CORO6: variants seen among roughly 807,000 people sequenced by gnomAD.
CORO6 encodes coronin-6.
Under a neutral mutation model 49.0 loss-of-function variants are expected in CORO6, and 43 were observed. The observed-to-expected ratio is 0.88, with a 90% confidence interval of 0.69 to 1.13. The LOEUF is 1.13. Among genes scored for constraint, CORO6 ranks in the 50% most tolerant of loss-of-function variants. The pLI is 0.00. For synonymous variants in CORO6, 233 were observed against 256.5 expected (o/e 0.91, Z 0.88); for missense variants, 650 against 647.0 (o/e 1.00, Z -0.05).
At position 29,616,844 on chromosome 17, in the gene CORO6, C is replaced by A; in HGVS notation, c.862G>T (p.Asp288Tyr). 1 of 1,613,074 alleles carries A rather than the reference C, an allele frequency of 6.2e-7. No homozygotes were observed. Among genetic ancestry groups the A allele is most frequent in the Non-Finnish European group, 8.5e-7 (1 of 1,179,456 alleles). The change falls in exon 8 of 11, where the codon GAC (aspartate) becomes TAC (tyrosine). Residue 288 changes from aspartate (D) to tyrosine (Y), a missense_variant. Physicochemically the swap from Asp to Tyr is radical, Grantham distance 160. Transcript: ENST00000388767. This position sits in a 1 kb window ranked among gnomAD's most constrained non-coding sequence, Gnocchi z 5.6. The stretch of plus-strand genomic sequence containing the variant: ...ATCTCAAAGTACCGAATGCTGCTGT[C>A]GCCCTGCAAAATCAGTCGGTTCAGG... ...SSIVYLCGKG[D>Y]SSIRYFEITD...
rs2034802048 is a variant in CORO6, at chr17:29,615,343, C to G, written c.*389G>C. 1 of 178,816 alleles carries G rather than the reference C, an allele frequency of 5.6e-6. No individual in the cohort carries two copies. Among genetic ancestry groups the G allele is most frequent in the Non-Finnish European group, 1.2e-5 (1 of 85,568 alleles). 11.1% of individuals were successfully genotyped at this position (178,816 alleles called of 1,614,324 possible). ...TTTTCCCCAGCCTGGGGGTACCCAT[C>G]AAATCGCCACCCGTTTGAGGTCAAG... On this transcript the variant is annotated 3_prime_UTR_variant, in exon 11 of 11. Transcript: ENST00000388767.
In CORO6 at chr17:29,621,799, C is replaced by A; in HGVS notation, c.-63-315G>T. ...CTGCACCCCCCGCCCCCACCACCGC[C>A]AGCCTTGATGAGCATCTCTTCACGG... On this transcript the variant is annotated intron_variant, in intron 1 of 10. Coordinates refer to ENST00000388767, the MANE Select transcript of CORO6 (RefSeq NM_032854.4). The surrounding 1 kb of genome is among the most constrained non-coding windows in gnomAD (Gnocchi z 4.2). The A allele has an allele frequency of 3.7e-6, 1 of 273,154 alleles. No homozygotes were observed. Among genetic ancestry groups the A allele is most frequent in the Non-Finnish European group, 7.2e-6 (1 of 138,622 alleles). The allele number at this position is 273,154 out of a possible 1,614,324, so 16.9% of individuals were successfully genotyped here.
Position 29,622,733 on chromosome 17 carries a change from C to T in CORO6, c.-109G>A. 7.6e-7 allele frequency: 1 copy of T among 1,312,104 alleles called. No homozygotes were observed. The highest frequency in any genetic ancestry group is 2.2e-5 in the Admixed American group (1 of 44,476). 81.3% of individuals were successfully genotyped at this position (1,312,104 alleles called of 1,614,324 possible). A position where few individuals can be genotyped will look rare whatever the true frequency, so the allele number is the denominator to read the frequency against. ...GGGCGCTCACGCTGCGAATCCTCTG[C>T]GGAAGGGGCCCGAGTGCGTAGGGGG... On this transcript the variant is annotated 5_prime_UTR_variant, in exon 1 of 11. Transcript: ENST00000388767.
At chr17:29,617,742 A>G in intron 5 of CORO6, 123 bp from the exon 6 acceptor site, 2 of 1,074,064 alleles carry the variant, frequency 1.9e-6, no homozygotes, top group Non-Finnish European at 2.6e-6. Context: ...CGGGGAAGAG[A>G]CAAATGGGGC....
Position 29,616,594 on chromosome 17 carries a change from C to T in CORO6, c.1004+108G>A. 2 of 1,442,518 alleles carry T rather than the reference C, an allele frequency of 1.4e-6. No individual in the cohort carries two copies. The highest frequency in any genetic ancestry group is 1.9e-5 in the Admixed American group (1 of 53,420). The allele number at this position is 1,442,518 out of a possible 1,614,324, so 89.4% of individuals were successfully genotyped here. A position where few individuals can be genotyped will look rare whatever the true frequency, so the allele number is the denominator to read the frequency against. ...GAAACAGAGCTGTCTTATCCCCCCG[C>T]CCCGCTTTTCCAAAGCACTGCATTA... On this transcript the variant is annotated intron_variant, in intron 8 of 10. Transcript: ENST00000388767. This position sits in a 1 kb window ranked among gnomAD's most constrained non-coding sequence, Gnocchi z 5.6.
intron 3 of CORO6, 60 bp downstream of exon 3, chr17:29,619,591 G>T (rs1458657375): frequency 5.2e-5 from 82 of 1,565,194 alleles, no homozygotes; most frequent in Middle Eastern, 4.3e-4. Context: ...CCCAGCACAG[G>T]TGAGGCAGCC....
In CORO6 at chr17:29,616,992, C is replaced by G. The variant is rs2034987400; in HGVS notation, c.804G>C (p.Gly268=). 1.2e-6 allele frequency: 2 copies of G among 1,613,622 alleles called. No homozygotes were observed. Among genetic ancestry groups the G allele is most frequent in the South Asian group, 1.1e-5 (1 of 91,094 alleles). ...CGGGATCGTAAAAGGGCAATAGGAC[C>G]CCGTTGCTTGTGTCCATCTCCTGCA... is the stretch of plus-strand genomic sequence containing the variant. ...VALQEMDTSN[G]VLLPFYDPDS... Residue 268 remains glycine (G), a synonymous_variant, in exon 7 of 11, where the codon GGG becomes GGC. Transcript: ENST00000388767. The surrounding 1 kb of genome is among the most constrained non-coding windows in gnomAD (Gnocchi z 5.6).
At position 29,615,929 on chromosome 17, in the gene CORO6, G is replaced by T. The variant is rs777922878; in HGVS notation, c.1293+16C>A. 6.3e-7 allele frequency: 1 copy of T among 1,580,352 alleles called. No homozygotes were observed. Among genetic ancestry groups the T allele is most frequent in the South Asian group, 1.2e-5 (1 of 86,564 alleles). On this transcript the variant is annotated intron_variant, in intron 10 of 10. Coordinates refer to ENST00000388767, the MANE Select transcript of CORO6 (RefSeq NM_032854.4). ...GAGATGTAGATTGGGCCAGAGTGCA[G>T]CAGGGCCGATCTTACCGACAAGGGG...
intron 3 of CORO6, 29 bp from the exon 4 acceptor site, chr17:29,619,218 G>C: frequency 1.9e-6 from 3 of 1,610,062 alleles, no homozygotes; most frequent in Non-Finnish European, 2.5e-6. Context: ...TATATGGTGG[G>C]TGGAATGAGG....
chr17:29,620,403 C>T (rs1300064625), intron 2 of CORO6, among the ~76,000 whole-genome samples: 1 of 152,166 alleles, frequency 6.6e-6, no homozygotes, highest in African/African-American at 2.4e-5. Flanking sequence ...AAAGAGCAGA[C>T]ATATTGGGGG....
Position 29,616,297 on chromosome 17 carries a change from G to C in CORO6, c.1044C>G (p.Ile348Met). 1 of 1,611,078 alleles carries C rather than the reference G, an allele frequency of 6.2e-7. No individual in the cohort carries two copies. The highest frequency in any genetic ancestry group is 8.5e-7 in the Non-Finnish European group (1 of 1,178,626). Residue 348 changes from isoleucine (I) to methionine (M), a missense_variant, in exon 9 of 11, where the codon ATC becomes ATG. Coordinates refer to ENST00000388767, the MANE Select transcript of CORO6 (RefSeq NM_032854.4). This position sits in a 1 kb window ranked among gnomAD's most constrained non-coding sequence, Gnocchi z 5.6. ...KLHERKCEPI[I>M]MTVPRKSDLF... ...CCCTCACCTTGCGGGGCACAGTCAT[G>C]ATGATAGGTTCACACTTTCTTTCGT... is the stretch of plus-strand genomic sequence containing the variant.
Position 29,616,927 on chromosome 17 carries a change from G to C in CORO6, c.858+11C>G. ...TCCAGTGCCCTGTTCTCCCTGCCCG[G>C]CCGTGAGCACCTTGCCACACAGGTA... is the stretch of plus-strand genomic sequence containing the variant. On this transcript the variant is annotated intron_variant, in intron 7 of 10. Transcript: ENST00000388767. The surrounding 1 kb of genome is among the most constrained non-coding windows in gnomAD (Gnocchi z 5.6). The C allele has an allele frequency of 6.2e-7, 1 of 1,613,638 alleles. No homozygotes were observed. Among genetic ancestry groups the C allele is most frequent in the Non-Finnish European group, 8.5e-7 (1 of 1,179,948 alleles).
Position 29,616,767 on chromosome 17 carries a change from C to G in CORO6, c.939G>C (p.Glu313Asp). 1 of 1,613,900 alleles carries G rather than the reference C, an allele frequency of 6.2e-7. No homozygotes were observed. The highest frequency in any genetic ancestry group is 8.5e-7 in the Non-Finnish European group (1 of 1,179,958). ...GCATGAAACCCATGCCCCGCTGCGG[C>G]TCTTTGCTGCTGAACGTGTTCAGGT... ...VHYLNTFSSK[E>D]PQRGMGFMPK... Residue 313 changes from glutamate to aspartate, a missense_variant, in exon 8 of 11, where the codon GAG becomes GAC. Glu to Asp is a conservative substitution (Grantham distance 45). Transcript: ENST00000388767. This position sits in a 1 kb window ranked among gnomAD's most constrained non-coding sequence, Gnocchi z 5.6.
Position 29,619,189 on chromosome 17 carries a change from C to T in CORO6, c.322G>A (p.Val108Met), listed in dbSNP as rs1007784036. 1 of 1,613,380 alleles carries T rather than the reference C, an allele frequency of 6.2e-7. No homozygotes were observed. The highest frequency in any genetic ancestry group is 2.2e-5 in the East Asian group (1 of 44,856). Residue 108 changes from valine to methionine, a missense_variant and splice_region_variant, in exon 4 of 11, where the codon GTG (valine) becomes ATG (methionine). By Grantham distance (21) the Val-to-Met change is conservative. Transcript: ENST00000388767. ...GGGGTATAGTCTGGAATCTGCCACA[C>T]CTGGGTAGGAAGAAAAGGTATATGG... is the stretch of plus-strand genomic sequence containing the variant. ...ASASDDTTIM[V>M]WQIPDYTPMR...
chr17:29,618,180 T>G, intron 5 of CORO6: 1 of 1,355,334 alleles, frequency 7.4e-7, no homozygotes, highest in Non-Finnish European at 9.5e-7. Context: ...GCTCGCCGGG[T>G]TAGTGGGTTA....
intron 6 of CORO6, chr17:29,617,259 C>G: frequency 6.5e-7 from 1 of 1,535,000 alleles, no homozygotes; most frequent in Non-Finnish European, 8.7e-7. Flanking sequence ...GCGCCGCATG[C>G]AGTCACAGCA....
rs112317482 is a variant in CORO6 at position 29,617,578 on chromosome 17, G to T, written c.675C>A (p.Ala225=). The T allele has an allele frequency of 5.6e-6, 9 of 1,606,276 alleles. No homozygotes were observed. Among genetic ancestry groups the T allele is most frequent in the African/African-American group, 2.7e-5 (2 of 74,952 alleles). ...AAHEGMRPMR[A]VFTRQGHIFT... is the part of the protein sequence containing the mutation. ...AGATATGGCCCTGGCGCGTGAAGAC[G>T]GCCCGCATGGGCCTCATCCCCTCGT... The change falls in exon 6 of 11, where the codon GCC becomes GCA. Residue 225 remains alanine, a synonymous_variant. Transcript: ENST00000388767.
intron 5 of CORO6, chr17:29,618,395 C>G: frequency 7.8e-7 from 1 of 1,285,440 alleles, no homozygotes; most frequent in Non-Finnish European, 9.8e-7. Context: ...AAGGGCCAGC[C>G]CTCGAGCCAG....
chr17:29,621,174 G>A lies in CORO6; in HGVS notation c.198+50C>T, dbSNP rs752025357. ...GAGAACAAAGGCTCAGGAGTTCCCA[G>A]GGGCCCCAGCTAGTGTCCTCCCACT... On this transcript the variant is annotated intron_variant, in intron 2 of 10. Coordinates refer to ENST00000388767, the MANE Select transcript of CORO6 (RefSeq NM_032854.4). This position sits in a 1 kb window ranked among gnomAD's most constrained non-coding sequence, Gnocchi z 4.2. 1.9e-6 allele frequency: 3 copies of A among 1,609,356 alleles called. No individual in the cohort carries two copies. In the South Asian group the frequency reaches 3.3e-5, roughly 18 times the overall value.
Sources: allele counts gnomAD v4.1 joint callset (sites outside exome capture counted in the v4.1 genomes callset), GRCh38; gene constraint gnomAD v4.1.1; non-coding constraint Gnocchi (gnomAD v3.1); transcripts MANE v1.5; gene names NCBI Gene and HGNC (gene_info 2026-07-23, HGNC 2026-07-21).